B3GALT5: variants seen among roughly 807,000 people sequenced by gnomAD.
B3GALT5 encodes UDP-Gal:betaGlcNAc beta 1,3-galactosyltransferase, polypeptide 5.
For synonymous variants in B3GALT5, 156 were observed against 158.6 expected, an observed-to-expected ratio of 0.98 and a Z score of 0.12; for missense variants, 328 against 396.6, an observed-to-expected ratio of 0.83 and a Z score of 1.47.
At chr21:39,630,457 C>T (rs1349194866) in intron 1 of B3GALT5, 1 of 152,208 alleles carries the variant, frequency 6.6e-6, no homozygotes, top group East Asian at 1.9e-4. Context: ...ATTACAGTGA[C>T]TCACTCGGAA....
intron 1 of B3GALT5, among the ~76,000 whole-genome samples, chr21:39,617,445 T>C (rs553549108): frequency 6.6e-6 from 1 of 152,270 alleles, no homozygotes; most frequent in East Asian, 1.9e-4. Context: ...GGCAGGCATG[T>C]CTTACATGGC....
At chr21:39,636,657 G>A (rs894849642) in intron 1 of B3GALT5, among the ~76,000 whole-genome samples, 4 of 152,022 alleles carry the variant, frequency 2.6e-5, no homozygotes, top group Non-Finnish European at 4.4e-5. Context: ...TGTTTTCCAC[G>A]AGTCCTTGGC....
At chr21:39,632,152 A>G (rs1275309623) in intron 1 of B3GALT5, among the ~76,000 whole-genome samples, 2 of 152,182 alleles carry the variant, frequency 1.3e-5, no homozygotes, top group African/African-American at 4.8e-5. Flanking sequence ...CTTATTTTCC[A>G]TGTCCATTCT....
At chr21:39,655,284 A>G (rs1477284746) in intron 2 of B3GALT5, among the ~76,000 whole-genome samples, 1 of 152,230 alleles carries the variant, frequency 6.6e-6, no homozygotes, top group Non-Finnish European at 1.5e-5. Context: ...TTTACTCACG[A>G]GAGGGTCAGC....
rs570074819 is a variant in B3GALT5, at chr21:39,638,331, G to A, written c.-391-8061G>A. ...GGGACGTCGAGAGGAGCACATCAGCGGAGGAACACATGGGCGGCTGGACGT... is the reference window on the plus strand; with the variant it reads ...GGGACGTCGAGAGGAGCACATCAGCAGAGGAACACATGGGCGGCTGGACGT... On this transcript the variant is annotated intron_variant, in intron 1 of 3. Transcript: ENST00000684187. 3.3e-5 allele frequency among the ~76,000 whole-genome samples: 5 copies of A among 152,272 alleles called. No homozygotes were observed. In the East Asian group the frequency reaches 7.7e-4, roughly 24 times the overall value.
At chr21:39,637,516 A>G (rs1602269524) in intron 1 of B3GALT5, among the ~76,000 whole-genome samples, 1 of 152,220 alleles carries the variant, frequency 6.6e-6, no homozygotes, top group East Asian at 1.9e-4. Context: ...TCCCTGTTGT[A>G]TGCGGAAACA....
chr21:39,638,183 G>A (rs1033663218), intron 1 of B3GALT5, among the ~76,000 whole-genome samples: 10 of 152,176 alleles, frequency 6.6e-5, no homozygotes, highest in African/African-American at 2.4e-4. Flanking sequence ...GAACCTAGGT[G>A]AGGACAGGCA....
At chr21:39,635,688 C>T (rs1322082449) in intron 1 of B3GALT5, among the ~76,000 whole-genome samples, 1 of 152,128 alleles carries the variant, frequency 6.6e-6, no homozygotes, top group Non-Finnish European at 1.5e-5. Context: ...CCATGTTGGT[C>T]AGGCTGGTCT....
At chr21:39,633,560 G>C (rs563969546) in intron 1 of B3GALT5, among the ~76,000 whole-genome samples, 1 of 152,344 alleles carries the variant, frequency 6.6e-6, no homozygotes, top group East Asian at 1.9e-4. Context: ...TGACTACAAA[G>C]ACATCTCCTA....
chr21:39,637,984 G>A (rs1418141791), intron 1 of B3GALT5, among the ~76,000 whole-genome samples: 5 of 152,306 alleles, frequency 3.3e-5, no homozygotes, highest in East Asian at 3.9e-4. Context: ...CAGGGTCAGG[G>A]TGTTGCCTTT....
chr21:39,615,775 TAAAG>T (rs1190889574), intron 1 of B3GALT5, among the ~76,000 whole-genome samples: 1 of 152,216 alleles, frequency 6.6e-6, no homozygotes, highest in African/African-American at 2.4e-5. Context: ...CTGTATATAA[TAAAG>T]AACAATAGAA....
intron 1 of B3GALT5, among the ~76,000 whole-genome samples, chr21:39,636,046 C>T (rs1569210620): frequency 6.6e-6 from 1 of 152,170 alleles, no homozygotes; most frequent in Non-Finnish European, 1.5e-5. Flanking sequence ...TCTGAAATTT[C>T]CATCCGTGGA....
chr21:39,646,840 G>C (rs1441819202), intron 2 of B3GALT5, among the ~76,000 whole-genome samples: 3 of 152,104 alleles, frequency 2.0e-5, no homozygotes, highest in Non-Finnish European at 2.9e-5. Context: ...GTGGCTCATG[G>C]CTCTATTTTC....
Position 39,659,855 on chromosome 21 carries a change from T to G in B3GALT5, c.-58T>G. 1.0e-6 allele frequency: 1 copy of G among 985,360 alleles called. No homozygotes were observed. The highest frequency in any genetic ancestry group is 4.7e-5 in the South Asian group (1 of 21,274). 61.0% of individuals were successfully genotyped at this position (985,360 alleles called of 1,614,324 possible). On this transcript the variant is annotated 5_prime_UTR_variant, in exon 3 of 4. Transcript: ENST00000684187. ...CAGTTCTTTGAGACAAATTTCCTCT[T>G]GGCATTTACACTGTGGCTTTAGCTT...
chr21:39,653,345 A>C (rs2079412884), intron 2 of B3GALT5, among the ~76,000 whole-genome samples: 1 of 152,222 alleles, frequency 6.6e-6, no homozygotes, highest in Non-Finnish European at 1.5e-5. Flanking sequence ...TGTGTTATCA[A>C]TTTATTGCCT....
chr21:39,660,813 T>A lies in B3GALT5; in HGVS notation c.254T>A (p.Met85Lys). The A allele has an allele frequency of 6.3e-7, 1 of 1,594,198 alleles. No individual in the cohort carries two copies. Among genetic ancestry groups the A allele is most frequent in the Non-Finnish European group, 8.5e-7 (1 of 1,169,856 alleles). Residue 85 changes from methionine to lysine, a missense_variant, in exon 4 of 4, where the codon ATG becomes AAG. Transcript: ENST00000684187. ...AIRQTWGKER[M>K]VKGKQLKTFF... ...CGGCAGACGTGGGGGAAAGAGAGGATGGTGAAGGGAAAGCAGCTGAAGACA... is the reference window on the plus strand; with the variant it reads ...CGGCAGACGTGGGGGAAAGAGAGGAAGGTGAAGGGAAAGCAGCTGAAGACA...
chr21:39,613,659 CGTGTGTGTGTGTGTGAGTGCGTGT>C lies in B3GALT5; in HGVS notation c.-392+600_-392+623del, dbSNP rs1227610963. On this transcript the variant is annotated intron_variant, in intron 1 of 3. Transcript: ENST00000684187. ...ATTATTTTAAAAACAATATCTGTACCGTGTGTGTGTGTGTGAGTGCGTGTGTGTGTGCGCGCGTATGTGTGCGCA... is the reference window on the plus strand; with the variant it reads ...ATTATTTTAAAAACAATATCTGTACCGTGTGTGCGCGCGTATGTGTGCGCA... Among the ~76,000 whole-genome samples, 7 of 151,066 alleles carry C rather than the reference CGTGTGTGTGTGTGTGAGTGCGTGT, an allele frequency of 4.6e-5. No individual in the cohort carries two copies. In the East Asian group the frequency reaches 9.7e-4, roughly 21 times the overall value.
chr21:39,661,406 G>A lies in B3GALT5; in HGVS notation c.847G>A (p.Ala283Thr), dbSNP rs151007676. The change falls in exon 4 of 4, where the codon GCC becomes ACC. Residue 283 changes from alanine to threonine, a missense_variant. Coordinates refer to ENST00000684187, the MANE Select transcript of B3GALT5 (RefSeq NM_001356336.2). This position sits in a 1 kb window ranked among gnomAD's most constrained non-coding sequence, Gnocchi z 4.7. ...CGTATGCCTCTTCAGGAGGATCGTG[G>A]CCTGCCACTTCATCAAGCCTCGGAC... ...FSVCLFRRIV[A>T]CHFIKPRTLL... The A allele has an allele frequency of 6.2e-4, 974 of 1,560,396 alleles. 1 individual carries two copies. Among genetic ancestry groups the A allele is most frequent in the Middle Eastern group, 5.5e-3 (32 of 5,776 alleles).
chr21:39,626,076 G>A (rs2079162159), intron 1 of B3GALT5, among the ~76,000 whole-genome samples: 1 of 152,054 alleles, frequency 6.6e-6, no homozygotes, highest in South Asian at 2.1e-4. Context: ...CCCATTATCA[G>A]TCATTTCTCC....
Sources: gnomAD v4.1 joint callset for allele counts (sites outside exome capture counted in the v4.1 genomes callset) on GRCh38, gnomAD v4.1.1 for gene constraint, Gnocchi (gnomAD v3.1) non-coding constraint, MANE v1.5 for transcripts, NCBI Gene and HGNC (gene_info 2026-07-23, HGNC 2026-07-21) for gene names.